KDM4C: variants seen among roughly 807,000 people sequenced by gnomAD.
KDM4C encodes the protein lysine-specific demethylase 4C.
In KDM4C, 81 loss-of-function variants were observed where a neutral mutation model predicts 129.3. The ratio of observed to expected loss-of-function variants is 0.63; its 90% CI spans 0.52 to 0.75. The LOEUF (loss-of-function observed/expected upper bound fraction) is 0.75, where lower values mean the gene tolerates loss of function less well. Among genes scored for constraint, KDM4C ranks in the 30% least tolerant of loss-of-function variants. The pLI is 0.00. For synonymous variants in KDM4C, 573 were observed against 456.1 expected, an observed-to-expected ratio of 1.26 and a Z score of -3.26; for missense variants, 1,457 against 1,304.0, an observed-to-expected ratio of 1.12 and a Z score of -1.81.
chr9:6,836,673 A>T (rs78469118), intron 4 of KDM4C, among the ~76,000 whole-genome samples: 345 of 152,226 alleles, frequency 2.3e-3, no homozygotes, highest in Admixed American at 3.9e-3. Flanking sequence ...CTTATTTTTG[A>T]CCTTATTAAA....
At chr9:7,027,649 C>G (rs1437392931) in intron 15 of KDM4C, among the ~76,000 whole-genome samples, 1 of 152,230 alleles carries the variant, frequency 6.6e-6, no homozygotes, top group African/African-American at 2.4e-5. Flanking sequence ...GATGGTGAAG[C>G]TAGCTAGGCT....
intron 17 of KDM4C, chr9:7,077,365 A>G (rs1466655576): frequency 2.3e-5 from 6 of 264,158 alleles, no homozygotes; most frequent in Non-Finnish European, 2.9e-5. Flanking sequence ...AAAAAAAAGT[A>G]AATATGAAAT....
At chr9:7,165,448 C>T in intron 20 of KDM4C, 91 bp downstream of exon 20, 1 of 1,427,634 alleles carries the variant, frequency 7.0e-7, no homozygotes, top group African/African-American at 1.4e-5. Flanking sequence ...AACAATAAGC[C>T]ACATGAATTT....
At chr9:6,850,931 T>A (rs1838728793) in intron 5 of KDM4C, among the ~76,000 whole-genome samples, 1 of 150,124 alleles carries the variant, frequency 6.7e-6, no homozygotes, top group Non-Finnish European at 1.5e-5. Context: ...ATTTTTGTAT[T>A]TTTAGTAGAG....
chr9:6,981,160 T>C, intron 9 of KDM4C, 42 bp downstream of exon 9: 1 of 1,521,330 alleles, frequency 6.6e-7, no homozygotes, highest in Non-Finnish European at 8.9e-7. Flanking sequence ...GCCTGTCGTG[T>C]TTTCTCAGTT....
intron 10 of KDM4C, among the ~76,000 whole-genome samples, chr9:6,985,469 T>G (rs1243922486): frequency 6.6e-6 from 1 of 151,622 alleles, no homozygotes; most frequent in Non-Finnish European, 1.5e-5. Flanking sequence ...GTAAGTAGCA[T>G]TATAGAGATT....
At chr9:6,880,136 T>C (rs1844210827) in intron 6 of KDM4C, 75 bp downstream of exon 6, 1 of 923,736 alleles carries the variant, frequency 1.1e-6, no homozygotes, top group Non-Finnish European at 1.7e-6. Flanking sequence ...GTTTTTGAGG[T>C]ACTTTTTACA....
At chr9:7,157,147 C>G (rs1408123541) in intron 19 of KDM4C, among the ~76,000 whole-genome samples, 2 of 152,024 alleles carry the variant, frequency 1.3e-5, no homozygotes, top group Non-Finnish European at 2.9e-5. Context: ...TGATTTGGCT[C>G]TCTGTTTGTC....
intron 8 of KDM4C, among the ~76,000 whole-genome samples, chr9:6,911,869 G>GTAC (rs903299870): frequency 3.3e-5 from 5 of 152,130 alleles, no homozygotes; most frequent in African/African-American, 4.8e-5. Context: ...GTTGCCTGAG[G>GTAC]GGGTAAACAC....
rs191741225 is a variant in KDM4C, at chr9:6,828,732, G to A, written c.435+13987G>A. Among the ~76,000 whole-genome samples, 7 of 152,002 alleles carry A rather than the reference G, an allele frequency of 4.6e-5. No individual in the cohort carries two copies. In the South Asian group the frequency reaches 1.2e-3, roughly 27 times the overall value. ...CTAAAAAATATAAAATTAGCCGGGC[G>A]TGGTGACACATGCCTGTAATCCCAG... On this transcript the variant is annotated intron_variant, in intron 4 of 21. Transcript: ENST00000381309.
In KDM4C at chr9:6,898,616, G is replaced by A. The variant is rs530177221; in HGVS notation, c.921+5384G>A. On this transcript the variant is annotated intron_variant, in intron 8 of 21. Transcript: ENST00000381309. ...CATTTTGATACTTGAATCCTCAAAT[G>A]TTTGAACAAGTTTAAAAAGAGATGA... Among the ~76,000 whole-genome samples, 5 of 152,276 alleles carry A rather than the reference G, an allele frequency of 3.3e-5. No homozygotes were observed. The South Asian group carries it at 8.3e-4, about 25-fold the overall frequency.
chr9:6,883,039 C>T (rs559892941), intron 6 of KDM4C, among the ~76,000 whole-genome samples: 3 of 152,136 alleles, frequency 2.0e-5, no homozygotes, highest in African/African-American at 7.2e-5. Context: ...CCCCTGAGAT[C>T]GTTTGGTCCG....
At chr9:7,056,812 C>T (rs1238057281) in intron 17 of KDM4C, among the ~76,000 whole-genome samples, 1 of 152,144 alleles carries the variant, frequency 6.6e-6, no homozygotes, top group Non-Finnish European at 1.5e-5. Flanking sequence ...CTGATCTTGT[C>T]TGTGTGAGTA....
At chr9:7,087,180 A>G (rs1017223251) in intron 17 of KDM4C, among the ~76,000 whole-genome samples, 3 of 150,900 alleles carry the variant, frequency 2.0e-5, no homozygotes, top group Non-Finnish European at 4.4e-5. Context: ...GCGTGCGTTT[A>G]GGCATATAAC....
Position 7,088,946 on chromosome 9 carries a change from G to A in KDM4C, c.2425-14739G>A, listed in dbSNP as rs567437276. ...GATCTGGTAAGAAAGCCGATATTTT[G>A]TCCAGCTTTCTTAAAGCACATTTGC... is the stretch of plus-strand genomic sequence containing the variant. On this transcript the variant is annotated intron_variant, in intron 17 of 21. Transcript: ENST00000381309. Among the ~76,000 whole-genome samples the A allele has an allele frequency of 2.0e-4, 31 of 152,070 alleles. 1 individual carries two copies. In the South Asian group the frequency reaches 4.8e-3, roughly 23 times the overall value.
intron 18 of KDM4C, among the ~76,000 whole-genome samples, chr9:7,110,081 C>G (rs939571585): frequency 3.3e-5 from 5 of 152,174 alleles, no homozygotes; most frequent in African/African-American, 1.2e-4. Flanking sequence ...TCAGGCGGTT[C>G]TTTATAGCAG....
At chr9:6,795,997 G>A (rs1199270745) in intron 2 of KDM4C, among the ~76,000 whole-genome samples, 1 of 152,090 alleles carries the variant, frequency 6.6e-6, no homozygotes, top group African/African-American at 2.4e-5. Flanking sequence ...TTTAAAATTT[G>A]GGAATATTAA....
intron 8 of KDM4C, among the ~76,000 whole-genome samples, chr9:6,969,557 T>A (rs1011531170): frequency 1.3e-5 from 2 of 152,234 alleles, no homozygotes; most frequent in Admixed American, 6.5e-5. Context: ...TCTTATTCGT[T>A]TAACTTTTAC....
At chr9:6,885,565 A>G (rs1845122360) in intron 6 of KDM4C, among the ~76,000 whole-genome samples, 1 of 151,928 alleles carries the variant, frequency 6.6e-6, no homozygotes, top group East Asian at 1.9e-4. Flanking sequence ...GATTGGAAGA[A>G]TGATTCCAAA....
Sources: allele counts gnomAD v4.1 joint callset (sites outside exome capture counted in the v4.1 genomes callset), GRCh38; gene constraint gnomAD v4.1.1; transcripts MANE v1.5; gene names NCBI Gene and HGNC (gene_info 2026-07-23, HGNC 2026-07-21).